TMC6: variants seen among roughly 807,000 people sequenced by gnomAD.
The protein encoded by TMC6 is transmembrane channel like 6.
In TMC6, 71 loss-of-function variants were observed where a neutral mutation model predicts 95.4. That is an observed-to-expected ratio of 0.74 (90% CI 0.61 to 0.91). The LOEUF is 0.91. TMC6 is among the 40% of genes least tolerant of loss of function. The pLI, the probability that TMC6 is intolerant of heterozygous loss-of-function variation, is 0.00. For missense variants in TMC6, 1,074 were observed against 1,079.1 expected (o/e 1.00, Z 0.07); for synonymous variants, 514 against 483.1 (o/e 1.06, Z -0.84).
rs1231489323 is a variant in TMC6 at position 78,122,256 on chromosome 17, C to T, written c.1227+349G>A. On this transcript the variant is annotated intron_variant, in intron 10 of 19. Transcript: ENST00000590602. The surrounding 1 kb of genome is among the most constrained non-coding windows in gnomAD (Gnocchi z 4.9). Reference sequence around the variant, plus strand: ...GCACACAGAAGGTGACAGTCCTCACCCACTGGCCTCCTATGGCCACCAACC... The same window carrying T: ...GCACACAGAAGGTGACAGTCCTCACTCACTGGCCTCCTATGGCCACCAACC... 6.6e-6 allele frequency among the ~76,000 whole-genome samples: 1 copy of T among 152,136 alleles called. No individual in the cohort carries two copies. The highest frequency in any genetic ancestry group is 1.5e-5 in the Non-Finnish European group (1 of 68,010).
Position 78,122,588 on chromosome 17 carries a change from G to A in TMC6, c.1227+17C>T. 1.2e-6 allele frequency: 2 copies of A among 1,607,158 alleles called. No individual in the cohort carries two copies. Among genetic ancestry groups the A allele is most frequent in the Non-Finnish European group, 1.7e-6 (2 of 1,179,728 alleles). On this transcript the variant is annotated intron_variant, in intron 10 of 19. Coordinates refer to ENST00000590602, the MANE Select transcript of TMC6 (RefSeq NM_001127198.5). This position sits in a 1 kb window ranked among gnomAD's most constrained non-coding sequence, Gnocchi z 4.9. ...AGGGAGCTGGGCAGGCCAGCTTGGTGCTCCGGGGCCACTCACCTTCAGCCG... is the reference window on the plus strand; with the variant it reads ...AGGGAGCTGGGCAGGCCAGCTTGGTACTCCGGGGCCACTCACCTTCAGCCG...
At position 78,128,316 on chromosome 17, in the gene TMC6, T is replaced by C. The variant is rs1409797498; in HGVS notation, c.-75+296A>G. 1.3e-5 allele frequency among the ~76,000 whole-genome samples: 2 copies of C among 150,082 alleles called. No individual in the cohort carries two copies. The highest frequency in any genetic ancestry group is 4.9e-5 in the African/African-American group (2 of 40,876). On this transcript the variant is annotated intron_variant, in intron 1 of 19. Transcript: ENST00000590602. This position sits in a 1 kb window ranked among gnomAD's most constrained non-coding sequence, Gnocchi z 4.0. ...AGCCGGCCTCCCTGTCCCCCGCCCC[T>C]TCCCATCCCGGCCACACCCCCTCCC...
In TMC6 at chr17:78,121,000, T is replaced by C; in HGVS notation, c.1535+13A>G. ...TCCAGCACCAAATGATGTTTTCATG[T>C]GCGGCCACACACCTGCAGATGGCCA... On this transcript the variant is annotated intron_variant, in intron 12 of 19. Coordinates refer to ENST00000590602, the MANE Select transcript of TMC6 (RefSeq NM_001127198.5). The C allele has an allele frequency of 1.9e-6, 3 of 1,613,274 alleles. No individual in the cohort carries two copies. The highest frequency in any genetic ancestry group is 2.5e-6 in the Non-Finnish European group (3 of 1,179,984).
At chr17:78,115,703 G>A (rs1428786790) in intron 18 of TMC6, among the ~76,000 whole-genome samples, 2 of 33,074 alleles carry the variant, frequency 6.0e-5, no homozygotes, top group Middle Eastern at 0.011. Flanking sequence ...GGGCACAGGG[G>A]CGAAGGGAGT....
Position 78,113,891 on chromosome 17 carries a change from A to G in TMC6, c.2278-267T>C, listed in dbSNP as rs2073922117. On this transcript the variant is annotated intron_variant, in intron 18 of 19. Coordinates refer to ENST00000590602, the MANE Select transcript of TMC6 (RefSeq NM_001127198.5). Reference sequence around the variant, plus strand: ...CAGCAGCCCAGAGCCAGCCTGACTCAATTTAAAACCAGCCCTGCCACGTAC... The same window carrying G: ...CAGCAGCCCAGAGCCAGCCTGACTCGATTTAAAACCAGCCCTGCCACGTAC... The G allele has an allele frequency of 8.2e-6, 4 of 486,574 alleles. No homozygotes were observed. In the Admixed American group the frequency reaches 9.8e-5, roughly 12 times the overall value. The allele number at this position is 486,574 out of a possible 1,614,324, so 30.1% of individuals were successfully genotyped here.
rs185857126 is a variant in TMC6, at chr17:78,116,197, G to A, written c.2277+1072C>T. On this transcript the variant is annotated intron_variant, in intron 18 of 19. Coordinates refer to ENST00000590602, the MANE Select transcript of TMC6 (RefSeq NM_001127198.5). ...TTGCCATGATGGTCAGGCTGGTCTC[G>A]ACCTCCTGACCTCAAGTGATCTGCT... Among the ~76,000 whole-genome samples the A allele has an allele frequency of 7.3e-4, 110 of 151,434 alleles. 1 individual carries two copies. The highest frequency in any genetic ancestry group is 1.4e-3 in the Admixed American group (21 of 15,202).
intron 15 of TMC6, 81 bp from the exon 16 acceptor site, chr17:78,118,016 GGGCGACCA>G: frequency 1.1e-5 from 17 of 1,547,284 alleles, no homozygotes; most frequent in South Asian, 2.4e-5. Context: ...CAAGAGGGAA[GGGCGACCA>G]GGGCTGTGCG....
Position 78,122,564 on chromosome 17 carries a change from G to A in TMC6, c.1227+41C>T. 6.2e-7 allele frequency: 1 copy of A among 1,603,230 alleles called. No homozygotes were observed. The highest frequency in any genetic ancestry group is 8.5e-7 in the Non-Finnish European group (1 of 1,179,546). ...AAGTGGACCCAGGGCCAGGCCTGCA[G>A]GGAGCTGGGCAGGCCAGCTTGGTGC... On this transcript the variant is annotated intron_variant, in intron 10 of 19. Coordinates refer to ENST00000590602, the MANE Select transcript of TMC6 (RefSeq NM_001127198.5). The surrounding 1 kb of genome is among the most constrained non-coding windows in gnomAD (Gnocchi z 4.9).
chr17:78,117,097 C>G (rs1251126450), intron 18 of TMC6, among the ~76,000 whole-genome samples, 172 bp downstream of exon 18: 1 of 152,208 alleles, frequency 6.6e-6, no homozygotes. Context: ...TGTCTCACGG[C>G]TACTTCGTCA....
At chr17:78,115,326 CCCCTAG>C (rs1417877417) in intron 18 of TMC6, among the ~76,000 whole-genome samples, 1 of 152,202 alleles carries the variant, frequency 6.6e-6, no homozygotes, top group Non-Finnish European at 1.5e-5. Context: ...CACAAGCGCC[CCCCTAG>C]CCCTGGTGTG....
chr17:78,121,162 A>G lies in TMC6; in HGVS notation c.1386T>C (p.Ser462=). The change falls in exon 12 of 20, where the codon AGT becomes AGC. Residue 462 remains serine, a splice_region_variant and synonymous_variant. Transcript: ENST00000590602. This position sits in a 1 kb window ranked among gnomAD's most constrained non-coding sequence, Gnocchi z 5.6. ...CAGCCTCCTGGCCAGCAGCCTCTGG[A>G]CTCTGCAGGGGTGCAGGGAGCGGTG... ...VHVFSEFMIQ[S]PEAAGQEAVL... 1 of 1,588,980 alleles carries G rather than the reference A, an allele frequency of 6.3e-7. No homozygotes were observed.
At chr17:78,132,133 C>A, upstream of TMC6, 1 of 1,510,220 alleles carries the variant, frequency 6.6e-7, no homozygotes. Context: ...TCACCCGGGT[C>A]CCCCGACCAA....
chr17:78,120,599 CCCGGCCACT>C lies in TMC6; in HGVS notation c.1715+45_1715+53del, dbSNP rs1333219603. The C allele has an allele frequency of 6.3e-6, 10 of 1,598,522 alleles. No individual in the cohort carries two copies. The East Asian group carries it at 1.4e-4, about 22-fold the overall frequency. On this transcript the variant is annotated intron_variant, in intron 13 of 19. Transcript: ENST00000590602. ...GCCTGAGAACCTCCCGGCCACACGT[CCCGGCCACT>C]AAGGGGAGAACACTCACCACCCAGT... is the stretch of plus-strand genomic sequence containing the variant.
Position 78,113,203 on chromosome 17 carries a change from G to T in TMC6, c.2363C>A (p.Thr788Lys). The T allele has an allele frequency of 6.4e-7, 1 of 1,555,880 alleles. No individual in the cohort carries two copies. Among genetic ancestry groups the T allele is most frequent in the Non-Finnish European group, 8.7e-7 (1 of 1,148,636 alleles). Reference protein sequence around the residue: ...KEREERSRVGTTEEAAAPPAL... With the variant: ...KEREERSRVGKTEEAAAPPAL... ...AGGGGGTGCCGCAGCCTCCTCGGTT[G>T]TCCCAACCCTGCCAGAAAGAGACAT... Residue 788 changes from threonine to lysine, a missense_variant, in exon 20 of 20, where the codon ACA becomes AAA. Physicochemically the swap from Thr to Lys is moderately conservative, Grantham distance 78 (BLOSUM62 -1). Transcript: ENST00000590602.
chr17:78,130,090 C>T (rs1389886823), upstream of TMC6, among the ~76,000 whole-genome samples: 1 of 152,182 alleles, frequency 6.6e-6, no homozygotes, highest in Non-Finnish European at 1.5e-5. Context: ...GCGGGCTTCC[C>T]AGGGGCCCAA....
chr17:78,115,658 G>GA (rs1467755148), intron 18 of TMC6, among the ~76,000 whole-genome samples: 18 of 145,596 alleles, frequency 1.2e-4, no homozygotes, highest in Non-Finnish European at 2.0e-4. Flanking sequence ...AGTGGGCACA[G>GA]GGGCGAAGGG....
Position 78,126,665 on chromosome 17 carries a change from C to T in TMC6, c.57-17G>A, listed in dbSNP as rs369674592. On this transcript the variant is annotated splice_polypyrimidine_tract_variant and intron_variant, in intron 2 of 19. Coordinates refer to ENST00000590602, the MANE Select transcript of TMC6 (RefSeq NM_001127198.5). ...GGGCCCTGGCTGCAGAGGGGGTTGG[C>T]GGGGGGGTCAGGCTCCAGCCACCTC... 1.9e-5 allele frequency: 31 copies of T among 1,611,996 alleles called. No homozygotes were observed. Among genetic ancestry groups the T allele is most frequent in the Middle Eastern group, 3.4e-4 (2 of 5,958 alleles).
rs988830047 is a variant in TMC6, at chr17:78,121,442, C to A, written c.1383+114G>T. 1 of 1,549,694 alleles carries A rather than the reference C, an allele frequency of 6.5e-7. No homozygotes were observed. The highest frequency in any genetic ancestry group is 1.4e-5 in the African/African-American group (1 of 73,482). On this transcript the variant is annotated intron_variant, in intron 11 of 19. Coordinates refer to ENST00000590602, the MANE Select transcript of TMC6 (RefSeq NM_001127198.5). This position sits in a 1 kb window ranked among gnomAD's most constrained non-coding sequence, Gnocchi z 5.6. The stretch of plus-strand genomic sequence containing the variant: ...AGCACGGGGCACAGCGTACGTGGCA[C>A]CCTGGGCTGGCTGGGTGGAGGAGGA...
chr17:78,128,178 A>T lies in TMC6; in HGVS notation c.-75+434T>A, dbSNP rs900698014. 1.3e-5 allele frequency among the ~76,000 whole-genome samples: 2 copies of T among 150,914 alleles called. No homozygotes were observed. The highest frequency in any genetic ancestry group is 4.9e-5 in the African/African-American group (2 of 40,952). On this transcript the variant is annotated intron_variant, in intron 1 of 19. Coordinates refer to ENST00000590602, the MANE Select transcript of TMC6 (RefSeq NM_001127198.5). This position sits in a 1 kb window ranked among gnomAD's most constrained non-coding sequence, Gnocchi z 4.0. ...GGCTGGGTGGCGCCCGTTTCCAGGA[A>T]CCCCCACCCCAGCCGGCAGCGAGCT...
Sources: gnomAD v4.1 joint callset for allele counts (sites outside exome capture counted in the v4.1 genomes callset) on GRCh38, gnomAD v4.1.1 for gene constraint, Gnocchi (gnomAD v3.1) non-coding constraint, MANE v1.5 for transcripts, NCBI Gene and HGNC (gene_info 2026-07-23, HGNC 2026-07-21) for gene names.